Variants in FAM169A observed in about 807,000 individuals in gnomAD.
The protein encoded by FAM169A is soluble lamin-associated protein of 75 kDa.
FAM169A carries 24 observed loss-of-function variants against 75.7 expected under a neutral mutation model. The observed-to-expected ratio is 0.32, with a 90% CI of 0.23 to 0.45. The LOEUF is 0.45. Among genes scored for constraint, FAM169A ranks in the 20% least tolerant of loss-of-function variants. The probability of loss-of-function intolerance (pLI) is 1.00; values close to 1 mark genes in which losing one functional copy is unlikely to be tolerated. For missense variants in FAM169A, 673 were observed against 784.0 expected (o/e 0.86, Z 1.69); for synonymous variants, 271 against 271.0 (o/e 1.00, Z 0.00).
intron 5 of FAM169A, among the ~76,000 whole-genome samples, chr5:74,824,642 A>C (rs190216250): frequency 1.3e-5 from 2 of 151,930 alleles, no homozygotes; most frequent in African/African-American, 4.8e-5. Context: ...TTTAGAATAC[A>C]ATAGTCATAT....
At chr5:74,803,363 A>AG (rs1364658734) in intron 8 of FAM169A, among the ~76,000 whole-genome samples, 1 of 152,132 alleles carries the variant, frequency 6.6e-6, no homozygotes, top group Non-Finnish European at 1.5e-5. Flanking sequence ...TTCCAAAAGT[A>AG]GGAAAAAAAA....
intron 6 of FAM169A, 110 bp from the exon 7 acceptor site, chr5:74,805,394 G>T: frequency 3.5e-6 from 3 of 860,990 alleles, no homozygotes; most frequent in Non-Finnish European, 5.2e-6. Context: ...GCATAACCTT[G>T]ATACCAAAAC....
chr5:74,802,966 T>C (rs1341896173), intron 8 of FAM169A, among the ~76,000 whole-genome samples: 6 of 152,098 alleles, frequency 3.9e-5, no homozygotes, highest in Non-Finnish European at 8.8e-5. Flanking sequence ...GAATAAATCA[T>C]GTAGTTGAAA....
Position 74,818,797 on chromosome 5 carries a change from C to CTATATA in FAM169A, c.491-4779_491-4778insTATATA, listed in dbSNP as rs1297081439. Among the ~76,000 whole-genome samples the CTATATA allele has an allele frequency of 2.1e-4, 29 of 136,312 alleles. No individual in the cohort carries two copies. The East Asian group carries it at 2.3e-3, about 11-fold the overall frequency. The allele number at this position is 136,312 out of a possible 152,430, so 89.4% of individuals were successfully genotyped here. ...TCTCTCTCTCTCTCTCTCTCTCTCT[C>CTATATA]TCTCTCTATATATATATATATATAT... On this transcript the variant is annotated intron_variant, in intron 5 of 12. Coordinates refer to ENST00000687041, the MANE Select transcript of FAM169A (RefSeq NM_001376049.1).
At position 74,779,370 on chromosome 5, in the gene FAM169A, C is replaced by T. The variant is rs796583757; in HGVS notation, c.*2090G>A. The T allele has an allele frequency of 6.6e-6, 1 of 152,038 alleles. No homozygotes were observed. The highest frequency in any genetic ancestry group is 1.5e-5 in the Non-Finnish European group (1 of 67,990). The allele number at this position is 152,038 out of a possible 1,614,324, so 9.4% of individuals were successfully genotyped here. On this transcript the variant is annotated 3_prime_UTR_variant, in exon 13 of 13. Coordinates refer to ENST00000687041, the MANE Select transcript of FAM169A (RefSeq NM_001376049.1). ...CAATACAGGGAAAATTAGCATGGCC[C>T]CTGTGCAAGGATGACACAAATTCAT...
At chr5:74,805,310 A>C in intron 6 of FAM169A, 26 bp from the exon 7 acceptor site, 1 of 1,604,738 alleles carries the variant, frequency 6.2e-7, no homozygotes, top group South Asian at 1.1e-5. Context: ...AGAATTTTCT[A>C]GAAATCCCAA....
rs1378648973 is a variant in FAM169A at position 74,779,147 on chromosome 5, A to G, written c.*2313T>C. The G allele has an allele frequency of 6.6e-6, 1 of 152,134 alleles. No individual in the cohort carries two copies. The highest frequency in any genetic ancestry group is 1.5e-5 in the Non-Finnish European group (1 of 67,976). The allele number at this position is 152,134 out of a possible 1,614,324, so 9.4% of individuals were successfully genotyped here. On this transcript the variant is annotated 3_prime_UTR_variant, in exon 13 of 13. Coordinates refer to ENST00000687041, the MANE Select transcript of FAM169A (RefSeq NM_001376049.1). Reference sequence around the variant, plus strand: ...ATTGTTTACAATTCACTTACTATTTAACCCAAACAAGTTTAACAAGAATAA... The same window carrying G: ...ATTGTTTACAATTCACTTACTATTTGACCCAAACAAGTTTAACAAGAATAA...
At chr5:74,789,290 C>T (rs905650683) in intron 11 of FAM169A, among the ~76,000 whole-genome samples, 7 of 152,164 alleles carry the variant, frequency 4.6e-5, no homozygotes, top group Non-Finnish European at 7.3e-5. Context: ...GAAATAAATC[C>T]GACTACAATT....
intron 1 of FAM169A, among the ~76,000 whole-genome samples, chr5:74,852,699 CGGCAAAT>C (rs1282035107): frequency 1.3e-5 from 2 of 150,754 alleles, no homozygotes; most frequent in Non-Finnish European, 2.9e-5. Context: ...AGGTATATAA[CGGCAAAT>C]GGTGGTGGAA....
At chr5:74,786,627 T>C (rs192943399) in intron 11 of FAM169A, among the ~76,000 whole-genome samples, 1 of 152,296 alleles carries the variant, frequency 6.6e-6, no homozygotes, top group East Asian at 1.9e-4. Flanking sequence ...CTAAGTTCAC[T>C]GGACAAAGTG....
intron 11 of FAM169A, among the ~76,000 whole-genome samples, chr5:74,790,334 G>A (rs1276157783): frequency 6.6e-6 from 1 of 152,192 alleles, no homozygotes; most frequent in Non-Finnish European, 1.5e-5. Flanking sequence ...CCAGTGGGCA[G>A]AACTTCGAGC....
chr5:74,822,972 C>T (rs1032375819), intron 5 of FAM169A, among the ~76,000 whole-genome samples: 3 of 152,154 alleles, frequency 2.0e-5, no homozygotes, highest in African/African-American at 7.2e-5. Flanking sequence ...TCAGATGTTC[C>T]CTTCTCCACT....
Position 74,781,018 on chromosome 5 carries a change from T to TA in FAM169A, c.*441dup, listed in dbSNP as rs1350380432. ...TTTTTGTTTAGGCATGCCTACATTT[T>TA]AAAAAATTGGTGATTAGTTTTGAAA... On this transcript the variant is annotated 3_prime_UTR_variant, in exon 13 of 13. Transcript: ENST00000687041. 6.5e-6 allele frequency: 1 copy of TA among 153,788 alleles called. No homozygotes were observed. The highest frequency in any genetic ancestry group is 1.4e-5 in the Non-Finnish European group (1 of 69,212). The allele number at this position is 153,788 out of a possible 1,614,324, so 9.5% of individuals were successfully genotyped here. A position where few individuals can be genotyped will look rare whatever the true frequency, so the allele number is the denominator to read the frequency against.
chr5:74,845,300 T>C (rs2112690207), intron 1 of FAM169A, among the ~76,000 whole-genome samples: 1 of 152,092 alleles, frequency 6.6e-6, no homozygotes, highest in South Asian at 2.1e-4. Flanking sequence ...GGTTGGATCA[T>C]GAGGTCAGGA....
At chr5:74,832,119 A>T (rs2112642074) in intron 5 of FAM169A, among the ~76,000 whole-genome samples, 1 of 152,238 alleles carries the variant, frequency 6.6e-6, no homozygotes, top group South Asian at 2.1e-4. Flanking sequence ...TTGAAAGACT[A>T]GGTTTGAAAC....
intron 9 of FAM169A, 93 bp downstream of exon 9, chr5:74,801,497 G>T: frequency 2.0e-6 from 2 of 989,032 alleles, no homozygotes; most frequent in South Asian, 1.3e-5. Flanking sequence ...TTCTCAGGGT[G>T]ACACACCACA....
chr5:74,786,937 T>C (rs944044882), intron 11 of FAM169A, among the ~76,000 whole-genome samples: 1 of 152,160 alleles, frequency 6.6e-6, no homozygotes, highest in African/African-American at 2.4e-5. Flanking sequence ...TTGTAAACTC[T>C]GATGAGACTT....
chr5:74,800,054 A>C, intron 10 of FAM169A: 1 of 721,328 alleles, frequency 1.4e-6, no homozygotes, highest in Non-Finnish European at 2.5e-6. Context: ...AGCCATGACA[A>C]TTTGGGATTT....
chr5:74,778,263 C>T lies in FAM169A; in HGVS notation c.*3197G>A, dbSNP rs1745222469. On this transcript the variant is annotated 3_prime_UTR_variant, in exon 13 of 13. Coordinates refer to ENST00000687041, the MANE Select transcript of FAM169A (RefSeq NM_001376049.1). The stretch of plus-strand genomic sequence containing the variant: ...TGAAACATTTTTCAAAATACTGTAA[C>T]ACAGATGAGTAATATTAGTATAAAT... The T allele has an allele frequency of 6.6e-6, 1 of 151,928 alleles. No individual in the cohort carries two copies. The highest frequency in any genetic ancestry group is 2.1e-4 in the South Asian group (1 of 4,824). The allele number at this position is 151,928 out of a possible 1,614,324, so 9.4% of individuals were successfully genotyped here.
Sources: allele counts gnomAD v4.1 joint callset (sites outside exome capture counted in the v4.1 genomes callset), GRCh38; gene constraint gnomAD v4.1.1; transcripts MANE v1.5; gene names NCBI Gene and HGNC (gene_info 2026-07-23, HGNC 2026-07-21).